FRMD5: variants seen among roughly 807,000 people sequenced by gnomAD.
The protein encoded by FRMD5 is FERM domain containing 5, also known as FERM domain-containing protein 5.
Under a neutral mutation model 69.0 loss-of-function variants are expected in FRMD5, and 20 were observed. The observed-to-expected ratio is 0.29, with a 90% confidence interval of 0.20 to 0.42. The LOEUF (loss-of-function observed/expected upper bound fraction) is 0.42, where lower values mean the gene tolerates loss of function less well. FRMD5 is among the 10% of genes least tolerant of loss of function. The pLI is 1.00. For synonymous variants in FRMD5, 271 were observed against 260.1 expected (o/e 1.04, Z -0.40); for missense variants, 595 against 708.6 (o/e 0.84, Z 1.82).
intron 1 of FRMD5, among the ~76,000 whole-genome samples, chr15:44,190,286 T>C (rs1463907595): frequency 1.3e-5 from 2 of 152,176 alleles, no homozygotes; most frequent in Non-Finnish European, 2.9e-5. Flanking sequence ...CCACTTCCTC[T>C]TGGAGCAAGA....
At chr15:44,144,499 G>A (rs941736935) in intron 1 of FRMD5, among the ~76,000 whole-genome samples, 1 of 152,146 alleles carries the variant, frequency 6.6e-6, no homozygotes, top group Non-Finnish European at 1.5e-5. Context: ...TGTGATACAA[G>A]AGTTTAATCT....
rs140896779 is a variant in FRMD5 at position 44,125,524 on chromosome 15, C to T, written c.102+69429G>A. 2.0e-3 allele frequency among the ~76,000 whole-genome samples: 302 copies of T among 152,160 alleles called. 2 individuals are homozygous for T. Among genetic ancestry groups the T allele is most frequent in the African/African-American group, 6.9e-3 (287 of 41,532 alleles). ...GAGGTTAAAGCTGATTTTAAAATTC[C>T]TTTGCTTTACCTCAGGGCCTATGGA... On this transcript the variant is annotated intron_variant, in intron 1 of 13. Transcript: ENST00000417257.
chr15:43,880,812 C>G (rs747241339), intron 13 of FRMD5, among the ~76,000 whole-genome samples: 11 of 152,220 alleles, frequency 7.2e-5, no homozygotes, highest in African/African-American at 2.7e-4. Context: ...GGGGCCTATA[C>G]TCCTCAGCAG....
At chr15:44,109,012 AAATAAAAT>A (rs1175092500) in intron 1 of FRMD5, among the ~76,000 whole-genome samples, 1 of 148,566 alleles carries the variant, frequency 6.7e-6, no homozygotes, top group African/African-American at 2.6e-5. Context: ...AAATAAAATA[AAATAAAAT>A]GTTTGCCAAT....
At chr15:43,938,120 A>G (rs2089793864) in intron 1 of FRMD5, among the ~76,000 whole-genome samples, 1 of 151,602 alleles carries the variant, frequency 6.6e-6, no homozygotes, top group Admixed American at 6.6e-5. Flanking sequence ...AGTCCCAGCT[A>G]CTCGGGAGGC....
At chr15:43,930,214 A>G (rs147536208) in intron 1 of FRMD5, among the ~76,000 whole-genome samples, 11 of 152,326 alleles carry the variant, frequency 7.2e-5, no homozygotes, top group Admixed American at 2.0e-4. Context: ...TCGTAAACCA[A>G]TGAAATCTGT....
chr15:43,919,263 C>T (rs1440840396), intron 4 of FRMD5, 196 bp downstream of exon 4: 2 of 730,750 alleles, frequency 2.7e-6, no homozygotes, highest in Admixed American at 1.9e-5. Context: ...GAAAGAAGTC[C>T]ACTCTGTTGC....
At chr15:43,912,649 T>G (rs914134954) in intron 4 of FRMD5, among the ~76,000 whole-genome samples, 5 of 152,138 alleles carry the variant, frequency 3.3e-5, no homozygotes, top group Non-Finnish European at 7.4e-5. Context: ...ATTCTCAATG[T>G]GGCAGAGAGG....
chr15:44,035,688 T>C (rs760302300), intron 1 of FRMD5, among the ~76,000 whole-genome samples: 6 of 152,206 alleles, frequency 3.9e-5, no homozygotes, highest in Non-Finnish European at 2.9e-5. Context: ...GGATGTGCCA[T>C]TATGCAAATG....
chr15:44,003,248 C>T (rs1890291409), intron 1 of FRMD5, among the ~76,000 whole-genome samples: 3 of 152,216 alleles, frequency 2.0e-5, no homozygotes, highest in Non-Finnish European at 4.4e-5. Context: ...CTATCAATCA[C>T]CCTGGTCCAA....
chr15:43,997,560 G>A (rs912246814), intron 1 of FRMD5, among the ~76,000 whole-genome samples: 2 of 152,198 alleles, frequency 1.3e-5, no homozygotes, highest in Admixed American at 6.5e-5. Flanking sequence ...AGGAGAAACT[G>A]TCTCCTTGCC....
At chr15:44,084,333 C>A (rs1170573858) in intron 1 of FRMD5, among the ~76,000 whole-genome samples, 1 of 152,032 alleles carries the variant, frequency 6.6e-6, no homozygotes. Flanking sequence ...AAAGAGACCG[C>A]AGAAATCACC....
intron 1 of FRMD5, among the ~76,000 whole-genome samples, chr15:44,155,626 C>T (rs1314516967): frequency 6.6e-6 from 1 of 151,826 alleles, no homozygotes; most frequent in Non-Finnish European, 1.5e-5. Flanking sequence ...CAAAGTCTCG[C>T]TCTGTCACCT....
chr15:43,931,588 CTTTTTTT>C (rs71421810), intron 1 of FRMD5, among the ~76,000 whole-genome samples: 1 of 144,782 alleles, frequency 6.9e-6, no homozygotes, highest in African/African-American at 2.5e-5. Flanking sequence ...CTGCTTTTTT[CTTTTTTT>C]TTTTGCAAAA....
chr15:44,111,296 T>G (rs1241485721), intron 1 of FRMD5, among the ~76,000 whole-genome samples: 1 of 152,230 alleles, frequency 6.6e-6, no homozygotes, highest in Non-Finnish European at 1.5e-5. Context: ...CATTACTCAC[T>G]CATATATTTC....
At chr15:44,157,008 G>T (rs920120572) in intron 1 of FRMD5, among the ~76,000 whole-genome samples, 1 of 152,040 alleles carries the variant, frequency 6.6e-6, no homozygotes, top group Non-Finnish European at 1.5e-5. Flanking sequence ...TGGAGGTCAG[G>T]GATGAGACAA....
At chr15:44,008,983 A>G (rs113382741) in intron 1 of FRMD5, among the ~76,000 whole-genome samples, 1 of 152,086 alleles carries the variant, frequency 6.6e-6, no homozygotes, top group African/African-American at 2.4e-5. Context: ...CCGAGATTGC[A>G]CCACTGCACT....
intron 1 of FRMD5, among the ~76,000 whole-genome samples, chr15:44,043,482 A>G (rs1892293958): frequency 6.6e-6 from 1 of 152,196 alleles, no homozygotes; most frequent in South Asian, 2.1e-4. Context: ...TCCTAACAAA[A>G]AAGAACAAAG....
chr15:44,180,836 C>T (rs1321282775), intron 1 of FRMD5, among the ~76,000 whole-genome samples: 3 of 151,984 alleles, frequency 2.0e-5, no homozygotes, highest in Non-Finnish European at 2.9e-5. Flanking sequence ...TAACTTTTAT[C>T]TTTTTATTAG....
Sources: gnomAD v4.1 joint callset for allele counts (sites outside exome capture counted in the v4.1 genomes callset) on GRCh38, gnomAD v4.1.1 for gene constraint, MANE v1.5 for transcripts, NCBI Gene and HGNC (gene_info 2026-07-23, HGNC 2026-07-21) for gene names.